TEX2: variants seen among roughly 807,000 people sequenced by gnomAD.
TEX2 encodes the protein testis expressed 2, also known as testis-expressed protein 2.
Under a neutral mutation model 106.9 loss-of-function variants are expected in TEX2, and 53 were observed. That is an observed-to-expected ratio of 0.50 (90% CI 0.40 to 0.62). The LOEUF is 0.62. Ranked by LOEUF, TEX2 falls within the 20% of genes least tolerant of loss-of-function variation. The pLI is 0.00. For synonymous variants in TEX2, 523 were observed against 534.8 expected (o/e 0.98, Z 0.30); for missense variants, 1,207 against 1,379.0 (o/e 0.88, Z 1.98).
In TEX2 at chr17:64,212,765, C is replaced by A. The variant is rs1555631759; in HGVS notation, c.1453G>T (p.Val485Leu). The A allele has an allele frequency of 1.7e-5, 28 of 1,614,050 alleles. No homozygotes were observed. The highest frequency in any genetic ancestry group is 2.4e-5 in the Non-Finnish European group (28 of 1,180,040). Residue 485 changes from valine (V) to leucine (L), a missense_variant, in exon 2 of 12, where the codon GTG becomes TTG. By Grantham distance (32) the Val-to-Leu change is conservative. This residue lies in a region of TEX2 where 1,067 missense variants were observed against 1,193.6 expected (regional missense o/e 0.89). Coordinates refer to ENST00000584379, the MANE Select transcript of TEX2 (RefSeq NM_001288732.2). ...TLGFFIMCVY[V>L]YLILPLPHYV... ...TGGGGGAGGGGGAGGATGAGGTACA[C>A]ATAGACACACATTATAAAGAAGCCC...
chr17:64,249,505 G>A (rs1598228087), intron 1 of TEX2, among the ~76,000 whole-genome samples: 1 of 152,330 alleles, frequency 6.6e-6, no homozygotes, highest in Non-Finnish European at 1.5e-5. Flanking sequence ...CTTCTTTGGA[G>A]CTGTGGGTCA....
intron 4 of TEX2, 66 bp downstream of exon 4, chr17:64,193,489 TGGCA>T: frequency 5.5e-6 from 7 of 1,272,162 alleles, no homozygotes; most frequent in Non-Finnish European, 7.3e-6. Flanking sequence ...CCTTCCTACC[TGGCA>T]TTCTTTCTCT....
chr17:64,174,338 G>A (rs2031535335), intron 6 of TEX2, among the ~76,000 whole-genome samples: 1 of 148,564 alleles, frequency 6.7e-6, no homozygotes, highest in Admixed American at 6.8e-5. Context: ...TGAAGGACCT[G>A]GGGACTGAGG....
chr17:64,256,820 A>T (rs573860830), intron 1 of TEX2, among the ~76,000 whole-genome samples: 1 of 152,276 alleles, frequency 6.6e-6, no homozygotes, highest in East Asian at 1.9e-4. Flanking sequence ...CAGTAAAAAG[A>T]TTTTTAAATT....
At position 64,218,019 on chromosome 17, in the gene TEX2, G is replaced by A. The variant is rs554410154; in HGVS notation, c.-25-3777C>T. On this transcript the variant is annotated intron_variant, in intron 1 of 11. Coordinates refer to ENST00000584379, the MANE Select transcript of TEX2 (RefSeq NM_001288732.2). ...AACAGGTCTGGAGTCTGGTTGTCTG[G>A]GAAGGCAGGCTCCATTATCAGGCTC... Among the ~76,000 whole-genome samples, 321 of 152,250 alleles carry A rather than the reference G, an allele frequency of 2.1e-3. 1 individual carries two copies. The highest frequency in any genetic ancestry group is 3.7e-3 in the Admixed American group (57 of 15,290).
chr17:64,194,799 A>C, intron 3 of TEX2, 96 bp downstream of exon 3: 1 of 1,228,704 alleles, frequency 8.1e-7, no homozygotes, highest in Non-Finnish European at 1.2e-6. Flanking sequence ...AACGACCACA[A>C]ACCTTTTTAG....
At chr17:64,167,564 A>G (rs926622509) in intron 7 of TEX2, among the ~76,000 whole-genome samples, 1 of 152,154 alleles carries the variant, frequency 6.6e-6, no homozygotes, top group African/African-American at 2.4e-5. Flanking sequence ...CATGCATGTA[A>G]TCCCAGCACT....
chr17:64,258,460 T>C (rs2034226030), intron 1 of TEX2, among the ~76,000 whole-genome samples: 1 of 152,178 alleles, frequency 6.6e-6, no homozygotes, highest in African/African-American at 2.4e-5. Flanking sequence ...TTTTCTCATC[T>C]TAAAATAAGA....
chr17:64,173,195 C>T (rs547177019), intron 6 of TEX2, among the ~76,000 whole-genome samples: 1 of 152,220 alleles, frequency 6.6e-6, no homozygotes, highest in East Asian at 1.9e-4. Flanking sequence ...ACTACTTTAG[C>T]TTTATAATAT....
At chr17:64,165,478 A>C (rs2031087618) in intron 7 of TEX2, among the ~76,000 whole-genome samples, 1 of 152,174 alleles carries the variant, frequency 6.6e-6, no homozygotes, top group Non-Finnish European at 1.5e-5. Context: ...TTCTTCCCGT[A>C]GCACAGTCTG....
intron 8 of TEX2, among the ~76,000 whole-genome samples, chr17:64,157,923 C>T (rs1226880065): frequency 6.6e-6 from 1 of 152,234 alleles, no homozygotes; most frequent in African/African-American, 2.4e-5. Flanking sequence ...ATAGGAAACA[C>T]TTCACTTCCA....
chr17:64,165,579 C>G (rs2031095874), intron 7 of TEX2, among the ~76,000 whole-genome samples: 2 of 152,262 alleles, frequency 1.3e-5, no homozygotes, highest in African/African-American at 4.8e-5. Context: ...TAGCTGCCCT[C>G]TGATGTCACT....
At chr17:64,187,848 C>T (rs1026200147) in intron 5 of TEX2, among the ~76,000 whole-genome samples, 1 of 152,028 alleles carries the variant, frequency 6.6e-6, no homozygotes, top group Admixed American at 6.5e-5. Context: ...CCCTTCCTGA[C>T]CACCCATCCA....
intron 7 of TEX2, among the ~76,000 whole-genome samples, chr17:64,168,360 A>G (rs1158041103): frequency 6.6e-6 from 1 of 152,232 alleles, no homozygotes; most frequent in Non-Finnish European, 1.5e-5. Context: ...TCGTTCCTTT[A>G]ATACCATTTT....
chr17:64,191,817 C>CAAAAAAA (rs58376086), intron 4 of TEX2, among the ~76,000 whole-genome samples: 3 of 119,916 alleles, frequency 2.5e-5, no homozygotes, highest in South Asian at 2.6e-4. Context: ...GACTCCATCT[C>CAAAAAAA]AAAAAAAAAA....
intron 10 of TEX2, 40 bp from the exon 11 acceptor site, chr17:64,151,001 C>A: frequency 1.9e-6 from 3 of 1,607,770 alleles, no homozygotes; most frequent in Non-Finnish European, 2.5e-6. Context: ...AGAAGCAAAG[C>A]AAGGAATGAG....
rs114304232 is a variant in TEX2, at chr17:64,180,661, G to A, written c.2425-3190C>T. Among the ~76,000 whole-genome samples the A allele has an allele frequency of 5.2e-3, 787 of 152,270 alleles. 10 individuals carry two copies. Among genetic ancestry groups the A allele is most frequent in the African/African-American group, 0.018 (742 of 41,540 alleles). On this transcript the variant is annotated intron_variant, in intron 5 of 11. Coordinates refer to ENST00000584379, the MANE Select transcript of TEX2 (RefSeq NM_001288732.2). ...GAAATGTGTGGAGGATATTCATTTC[G>A]CTGTCTCAACTGTATAAACACACTA...
chr17:64,177,267 A>T (rs2031652076), intron 6 of TEX2, 58 bp downstream of exon 6: 1 of 1,601,126 alleles, frequency 6.2e-7, no homozygotes, highest in Non-Finnish European at 8.5e-7. Flanking sequence ...AAGGGTACAA[A>T]ATTTCCAGAA....
rs937360012 is a variant in TEX2, at chr17:64,155,167, G to T, written c.2805-200C>A. 1.3e-5 allele frequency: 7 copies of T among 549,650 alleles called. No individual in the cohort carries two copies. The Admixed American group carries it at 2.6e-4, about 20-fold the overall frequency. 34.0% of individuals were successfully genotyped at this position (549,650 alleles called of 1,614,324 possible). A position where few individuals can be genotyped will look rare whatever the true frequency, so the allele number is the denominator to read the frequency against. On this transcript the variant is annotated intron_variant, in intron 8 of 11. Transcript: ENST00000584379. ...TCCTTGGATCAGCGCAGATGCTCAG[G>T]ACACTCTTCAGCACCAAGGCCTCTG...
Sources: gnomAD v4.1 joint callset for allele counts (sites outside exome capture counted in the v4.1 genomes callset) on GRCh38, gnomAD v4.1.1 for gene constraint, gnomAD v4.1.1 regional missense constraint, MANE v1.5 for transcripts, NCBI Gene and HGNC (gene_info 2026-07-23, HGNC 2026-07-21) for gene names.